The following SLC9A5 variants were observed in gnomAD, a reference collection of about 807,000 sequenced individuals.
The protein encoded by SLC9A5 is sodium/hydrogen exchanger 5.
In SLC9A5, 52 loss-of-function variants were observed where a neutral mutation model predicts 91.7. That is an observed-to-expected ratio of 0.57 (90% CI 0.45 to 0.71). The LOEUF (loss-of-function observed/expected upper bound fraction) is 0.71, where lower values mean the gene tolerates loss of function less well. Among genes scored for constraint, SLC9A5 ranks in the 30% least tolerant of loss-of-function variants. The pLI is 0.00. For missense variants in SLC9A5, 871 were observed against 1,158.9 expected (o/e 0.75, Z 3.61); for synonymous variants, 419 against 474.5 (o/e 0.88, Z 1.52).
intron 12 of SLC9A5, chr16:67,261,511 C>T (rs1338773547): frequency 2.0e-5 from 3 of 152,242 alleles, no homozygotes; most frequent in Middle Eastern, 3.2e-3. Context: ...GACATCGTAT[C>T]ACATCATCTC....
In SLC9A5 at chr16:67,256,976, G is replaced by A. The variant is rs1382018266; in HGVS notation, c.1198G>A (p.Val400Met). 1.2e-6 allele frequency: 2 copies of A among 1,614,094 alleles called. No individual in the cohort carries two copies. Among genetic ancestry groups the A allele is most frequent in the Non-Finnish European group, 1.7e-6 (2 of 1,180,050 alleles). The change falls in exon 7 of 16, where the codon GTG (valine) becomes ATG (methionine). Residue 400 changes from valine to methionine, a missense_variant. Physicochemically the swap from Val to Met is conservative, Grantham distance 21. Transcript: ENST00000299798. This position sits in a 1 kb window ranked among gnomAD's most constrained non-coding sequence, Gnocchi z 4.1. ...RLVPLDKIDQVVMSYGGLRGA... is the reference protein window; with the variant it reads ...RLVPLDKIDQMVMSYGGLRGA... ...AGTCCCTCTGGACAAGATTGACCAA[G>A]TGGTGATGTCCTATGGGGGCCTGCG... is the stretch of plus-strand genomic sequence containing the variant.
rs755278270 is a variant in SLC9A5, at chr16:67,255,160, C to T, written c.630C>T (p.Ser210=). Reference sequence around the variant, plus strand: ...TCTTTATCATCGTCTTTGGCGAGTCCCTGCTCAACGATGCTGTCACCGTGG... The same window carrying T: ...TCTTTATCATCGTCTTTGGCGAGTCTCTGCTCAACGATGCTGTCACCGTGG... ...ETLFIIVFGE[S]LLNDAVTVVL... Residue 210 remains serine (S), a synonymous_variant, in exon 3 of 16, where the codon TCC becomes TCT. Transcript: ENST00000299798. This position sits in a 1 kb window ranked among gnomAD's most constrained non-coding sequence, Gnocchi z 4.9. The T allele has an allele frequency of 1.9e-6, 3 of 1,613,892 alleles. 1 individual carries two copies. Among genetic ancestry groups the T allele is most frequent in the South Asian group, 2.2e-5 (2 of 91,068 alleles).
Position 67,258,474 on chromosome 16 carries a change from A to G in SLC9A5, c.1626+27A>G. The G allele has an allele frequency of 1.2e-6, 2 of 1,613,674 alleles. No individual in the cohort carries two copies. Among genetic ancestry groups the G allele is most frequent in the Non-Finnish European group, 1.7e-6 (2 of 1,179,848 alleles). On this transcript the variant is annotated intron_variant, in intron 10 of 15. Coordinates refer to ENST00000299798, the MANE Select transcript of SLC9A5 (RefSeq NM_004594.3). The surrounding 1 kb of genome is among the most constrained non-coding windows in gnomAD (Gnocchi z 4.5). ...TGGGCCAGCAGCTTCCAGGTGGGCCAGTGGTGGGTGGGCAGATGGTCAGCA... is the reference window on the plus strand; with the variant it reads ...TGGGCCAGCAGCTTCCAGGTGGGCCGGTGGTGGGTGGGCAGATGGTCAGCA...
chr16:67,249,167 C>A lies in SLC9A5; in HGVS notation c.153C>A (p.Ala51=). The A allele has an allele frequency of 6.4e-7, 1 of 1,558,594 alleles. No homozygotes were observed. Among genetic ancestry groups the A allele is most frequent in the Non-Finnish European group, 8.6e-7 (1 of 1,158,326 alleles). Residue 51 remains alanine, a synonymous_variant, in exon 1 of 16, where the codon GCC becomes GCA. Coordinates refer to ENST00000299798, the MANE Select transcript of SLC9A5 (RefSeq NM_004594.3). The part of the protein sequence containing the change: ...WHEVEAPYLV[A]LWILVASLAK... ...AGGTGGAGGCGCCCTACCTGGTGGC[C>A]CTGTGGATCCTGGTGGCCAGTCTGG...
chr16:67,255,299 G>A lies in SLC9A5; in HGVS notation c.655-94G>A, dbSNP rs1597348254. 6.6e-7 allele frequency: 1 copy of A among 1,521,424 alleles called. No homozygotes were observed. Among genetic ancestry groups the A allele is most frequent in the South Asian group, 1.2e-5 (1 of 84,398 alleles). The allele number at this position is 1,521,424 out of a possible 1,614,324, so 94.2% of individuals were successfully genotyped here. The stretch of plus-strand genomic sequence containing the variant: ...GGGTCCCCTGGGGCAGAAATATGCT[G>A]TCTGCTTTCACCCTGCTCTCCCAGC... On this transcript the variant is annotated intron_variant, in intron 3 of 15. Transcript: ENST00000299798. This position sits in a 1 kb window ranked among gnomAD's most constrained non-coding sequence, Gnocchi z 4.9.
At position 67,255,787 on chromosome 16, in the gene SLC9A5, C is replaced by T. The variant is rs753616217; in HGVS notation, c.768C>T (p.Ala256=). Residue 256 remains alanine, a synonymous_variant, in exon 5 of 16, where the codon GCC becomes GCT. Coordinates refer to ENST00000299798, the MANE Select transcript of SLC9A5 (RefSeq NM_004594.3). The surrounding 1 kb of genome is among the most constrained non-coding windows in gnomAD (Gnocchi z 4.9). The part of the protein sequence containing the change: ...SLFVVSLGGA[A]VGLVFAFLLA... The stretch of plus-strand genomic sequence containing the variant: ...TTGTGGTCAGTCTGGGCGGGGCAGC[C>T]GTGGGCTTAGTCTTTGCCTTCCTCC... 7 of 1,594,506 alleles carry T rather than the reference C, an allele frequency of 4.4e-6. No individual in the cohort carries two copies. Among genetic ancestry groups the T allele is most frequent in the South Asian group, 2.3e-5 (2 of 88,810 alleles).
Position 67,271,178 on chromosome 16 carries a change from T to C in SLC9A5, c.2659T>C (p.Cys887Arg), listed in dbSNP as rs1597369241. ...LSPGTATSHW[C>R]IQFNRGSRL ...CCCAGGCACCGCTACCTCCCACTGG[T>C]GCATCCAGTTCAACAGAGGCAGCCG... Residue 887 changes from cysteine to arginine, a missense_variant, in exon 16 of 16, where the codon TGC becomes CGC. Physicochemically the swap from Cys to Arg is radical, Grantham distance 180. Transcript: ENST00000299798. The C allele has an allele frequency of 6.2e-7, 1 of 1,612,790 alleles. No individual in the cohort carries two copies. The highest frequency in any genetic ancestry group is 8.5e-7 in the Non-Finnish European group (1 of 1,179,998).
Position 67,255,154 on chromosome 16 carries a change from C to A in SLC9A5, c.624C>A (p.Gly208=), listed in dbSNP as rs780350480. The A allele has an allele frequency of 1.2e-6, 2 of 1,613,768 alleles. No homozygotes were observed. The highest frequency in any genetic ancestry group is 1.7e-6 in the Non-Finnish European group (2 of 1,179,886). The change falls in exon 3 of 16, where the codon GGC becomes GGA. Residue 208 remains glycine, a synonymous_variant. Transcript: ENST00000299798. This position sits in a 1 kb window ranked among gnomAD's most constrained non-coding sequence, Gnocchi z 4.9. ...VNETLFIIVF[G]ESLLNDAVTV... is the part of the protein sequence containing the mutation. ...AGACTCTCTTTATCATCGTCTTTGG[C>A]GAGTCCCTGCTCAACGATGCTGTCA... is the stretch of plus-strand genomic sequence containing the variant.
Position 67,257,088 on chromosome 16 carries a change from T to TG in SLC9A5, c.1312dup (p.Val438GlyfsTer25). On this transcript the variant is annotated frameshift_variant, in exon 7 of 16. Coordinates refer to ENST00000299798, the MANE Select transcript of SLC9A5 (RefSeq NM_004594.3). LOFTEE classifies it high-confidence loss of function. The surrounding 1 kb of genome is among the most constrained non-coding windows in gnomAD (Gnocchi z 5.1). ...TACTTTGTAGCCACCACTATTGTAG[T>TG]GGTCTTCTTCACAGTCATCGTGCAG... is the stretch of plus-strand genomic sequence containing the variant. 1 of 1,611,742 alleles carries TG rather than the reference T, an allele frequency of 6.2e-7. No homozygotes were observed. The highest frequency in any genetic ancestry group is 8.5e-7 in the Non-Finnish European group (1 of 1,179,890).
At position 67,255,538 on chromosome 16, in the gene SLC9A5, A is replaced by G. The variant is rs553441205; in HGVS notation, c.733+67A>G. Reference sequence around the variant, plus strand: ...TCCCCTGGGTTGCTGAGGCCCTCCCACCCCGCATCAGGACAGAAGAGGCTA... The same window carrying G: ...TCCCCTGGGTTGCTGAGGCCCTCCCGCCCCGCATCAGGACAGAAGAGGCTA... On this transcript the variant is annotated intron_variant, in intron 4 of 15. Coordinates refer to ENST00000299798, the MANE Select transcript of SLC9A5 (RefSeq NM_004594.3). The surrounding 1 kb of genome is among the most constrained non-coding windows in gnomAD (Gnocchi z 4.9). 3.1e-5 allele frequency: 46 copies of G among 1,493,470 alleles called. No individual in the cohort carries two copies. The Admixed American group carries it at 7.1e-4, about 23-fold the overall frequency. The allele number at this position is 1,493,470 out of a possible 1,614,324, so 92.5% of individuals were successfully genotyped here.
chr16:67,256,949 C>G lies in SLC9A5; in HGVS notation c.1171C>G (p.Leu391Val). ...LQTWVLNQFR[L>V]VPLDKIDQVV... ...GACCTGGGTGCTGAATCAGTTCCGG[C>G]TAGTCCCTCTGGACAAGATTGACCA... The change falls in exon 7 of 16, where the codon CTA (leucine) becomes GTA (valine). Residue 391 changes from leucine to valine, a missense_variant. Transcript: ENST00000299798. The surrounding 1 kb of genome is among the most constrained non-coding windows in gnomAD (Gnocchi z 4.1). 6.2e-7 allele frequency: 1 copy of G among 1,614,136 alleles called. No individual in the cohort carries two copies. The highest frequency in any genetic ancestry group is 8.5e-7 in the Non-Finnish European group (1 of 1,180,042).
At chr16:67,266,571 G>A (rs1198981773) in intron 15 of SLC9A5, among the ~76,000 whole-genome samples, 1 of 151,890 alleles carries the variant, frequency 6.6e-6, no homozygotes, top group Non-Finnish European at 1.5e-5. Context: ...ACAGAGTTTT[G>A]CTCTTGTCAT....
At chr16:67,262,403 TAGAA>T (rs2035561494) in intron 12 of SLC9A5, 1 of 381,872 alleles carries the variant, frequency 2.6e-6, no homozygotes, top group South Asian at 1.9e-5. Flanking sequence ...AGTTTTCAGT[TAGAA>T]AGATAAGATT....
chr16:67,268,657 ATTATATATATATAT>A lies in SLC9A5; in HGVS notation c.2219-2080_2219-2067del, dbSNP rs1244688870. 6.3e-4 allele frequency among the ~76,000 whole-genome samples: 30 copies of A among 47,790 alleles called. 1 individual carries two copies. The East Asian group carries it at 8.1e-3, about 13-fold the overall frequency. The allele number at this position is 47,790 out of a possible 152,430, so 31.4% of individuals were successfully genotyped here. ...ATCAAACATCGTTCAAATTTCCCTG[ATTATATATATATAT>A]ATATATATATATATATATATATATA... On this transcript the variant is annotated intron_variant, in intron 15 of 15. Coordinates refer to ENST00000299798, the MANE Select transcript of SLC9A5 (RefSeq NM_004594.3).
intron 13 of SLC9A5, 60 bp from the exon 14 acceptor site, chr16:67,264,980 T>A: frequency 6.5e-7 from 1 of 1,540,116 alleles, no homozygotes; most frequent in Admixed American, 1.7e-5. Context: ...CCCCACCAGA[T>A]GACAGGGTTG....
At chr16:67,260,182 C>T (rs1375759434) in intron 12 of SLC9A5, among the ~76,000 whole-genome samples, 2 of 151,628 alleles carry the variant, frequency 1.3e-5, no homozygotes, top group African/African-American at 4.9e-5. Context: ...AAATGAAACC[C>T]CATCTCTACT....
At chr16:67,250,518 G>A (rs2035075531) in intron 1 of SLC9A5, among the ~76,000 whole-genome samples, 1 of 152,150 alleles carries the variant, frequency 6.6e-6, no homozygotes, top group South Asian at 2.1e-4. Context: ...CTGTCTTAGG[G>A]TTTATAGCAA....
In SLC9A5 at chr16:67,264,334, C is replaced by T. The variant is rs776197830; in HGVS notation, c.1843-18C>T. On this transcript the variant is annotated intron_variant, in intron 12 of 15. Coordinates refer to ENST00000299798, the MANE Select transcript of SLC9A5 (RefSeq NM_004594.3). ...CAAGGCATCCATCCTCATAGCCAGG[C>T]GGGGCTGTCATTGCCAGTACAAAGC... 5.0e-6 allele frequency: 8 copies of T among 1,611,608 alleles called. No homozygotes were observed. The highest frequency in any genetic ancestry group is 1.3e-5 in the African/African-American group (1 of 74,876).
intron 12 of SLC9A5, chr16:67,262,113 C>T (rs2035551611): frequency 2.9e-6 from 1 of 348,866 alleles, no homozygotes; most frequent in East Asian, 7.7e-5. Flanking sequence ...GTTCCCATGT[C>T]TGCCACCAAA....
Sources: allele counts gnomAD v4.1 joint callset (sites outside exome capture counted in the v4.1 genomes callset), GRCh38; gene constraint gnomAD v4.1.1; non-coding constraint Gnocchi (gnomAD v3.1); transcripts MANE v1.5; gene names NCBI Gene and HGNC (gene_info 2026-07-23, HGNC 2026-07-21).